Variants in MICU2 observed in about 807,000 individuals in gnomAD.
MICU2 encodes the protein calcium uptake protein 2, mitochondrial.
In MICU2, 64 loss-of-function variants were observed where a neutral mutation model predicts 60.4. The ratio of observed to expected loss-of-function variants is 1.06; its 90% CI spans 0.87 to 1.31. MICU2 has a LOEUF of 1.31. MICU2 is among the 50% of genes most tolerant of loss of function. The pLI is 0.00. For synonymous variants in MICU2, 201 were observed against 175.0 expected (o/e 1.15, Z -1.17); for missense variants, 569 against 531.0 (o/e 1.07, Z -0.70).
intron 8 of MICU2, among the ~76,000 whole-genome samples, chr13:21,506,827 T>G (rs1189209473): frequency 6.6e-6 from 1 of 152,210 alleles, no homozygotes; most frequent in Non-Finnish European, 1.5e-5. Flanking sequence ...CACTCCTGTA[T>G]TTTCAGCCTT....
intron 4 of MICU2, among the ~76,000 whole-genome samples, chr13:21,536,886 C>CG (rs1887142878): frequency 1.3e-5 from 2 of 152,166 alleles, no homozygotes; most frequent in Admixed American, 6.5e-5. Flanking sequence ...ATTAACTATG[C>CG]CAACTTCTAT....
At chr13:21,585,869 T>C (rs144933235) in intron 1 of MICU2, among the ~76,000 whole-genome samples, 1 of 152,342 alleles carries the variant, frequency 6.6e-6, no homozygotes, top group African/African-American at 2.4e-5. Flanking sequence ...GTTCAAAATA[T>C]GAATTTAAAT....
At chr13:21,558,187 C>T (rs1221066964) in intron 2 of MICU2, among the ~76,000 whole-genome samples, 4 of 152,124 alleles carry the variant, frequency 2.6e-5, no homozygotes, top group African/African-American at 2.4e-5. Context: ...AGACTATCGC[C>T]CCCCAGTGTT....
At chr13:21,603,046 G>A (rs543361930) in intron 1 of MICU2, among the ~76,000 whole-genome samples, 4 of 149,692 alleles carry the variant, frequency 2.7e-5, no homozygotes, top group Admixed American at 1.3e-4. Context: ...TTGGCTCACT[G>A]CAACCTCCGC....
rs1465695585 is a variant in MICU2, at chr13:21,496,297, C to A, written c.934-137G>T. On this transcript the variant is annotated intron_variant, in intron 9 of 11. Transcript: ENST00000382374. The stretch of plus-strand genomic sequence containing the variant: ...AGAGACAACAGAGCTTTCTCTGTCC[C>A]TTTCTCTCTGTGTGCACACAGAAAT... 10 of 655,016 alleles carry A rather than the reference C, an allele frequency of 1.5e-5. No individual in the cohort carries two copies. The African/African-American group carries it at 1.8e-4, about 12-fold the overall frequency. The allele number at this position is 655,016 out of a possible 1,614,324, so 40.6% of individuals were successfully genotyped here.
chr13:21,517,790 C>T (rs994825516), intron 6 of MICU2, among the ~76,000 whole-genome samples: 1 of 98,706 alleles, frequency 1.0e-5, no homozygotes, highest in Non-Finnish European at 2.3e-5. Flanking sequence ...CACACACACA[C>T]ACACACACAC....
chr13:21,512,330 C>A (rs1317132810), intron 7 of MICU2, among the ~76,000 whole-genome samples: 1 of 151,822 alleles, frequency 6.6e-6, no homozygotes, highest in African/African-American at 2.4e-5. Flanking sequence ...AAGAAGAGTT[C>A]TTTATATATA....
chr13:21,590,898 A>T (rs536605217), intron 1 of MICU2, among the ~76,000 whole-genome samples: 7 of 152,292 alleles, frequency 4.6e-5, no homozygotes, highest in Admixed American at 2.0e-4. Context: ...TAAATATGGA[A>T]AAGAAGAACT....
chr13:21,555,491 C>T (rs1422344465), intron 2 of MICU2, among the ~76,000 whole-genome samples: 1 of 152,160 alleles, frequency 6.6e-6, no homozygotes, highest in Non-Finnish European at 1.5e-5. Context: ...TAAAAACTCT[C>T]AATAAATTAG....
chr13:21,531,673 T>G (rs1015614890), intron 4 of MICU2, among the ~76,000 whole-genome samples: 4 of 152,212 alleles, frequency 2.6e-5, no homozygotes, highest in Non-Finnish European at 4.4e-5. Flanking sequence ...GTCATTTGTA[T>G]GTAATGGATA....
At chr13:21,525,523 C>T (rs1004412604) in intron 4 of MICU2, among the ~76,000 whole-genome samples, 12 of 151,858 alleles carry the variant, frequency 7.9e-5, no homozygotes, top group African/African-American at 2.7e-4. Context: ...AATCGCCCTA[C>T]CTTTTCCACA....
chr13:21,549,715 GTCTCTCTAAACGCCTTATT>G (rs1566156751), intron 2 of MICU2, among the ~76,000 whole-genome samples: 1 of 152,202 alleles, frequency 6.6e-6, no homozygotes, highest in African/African-American at 2.4e-5. Flanking sequence ...TTCCTGTGGT[GTCTCTCTAAACGCCTTATT>G]TCTCTCTTCC....
Position 21,566,859 on chromosome 13 carries a change from T to C in MICU2, c.296A>G (p.Glu99Gly). 6.2e-7 allele frequency: 1 copy of C among 1,613,176 alleles called. No individual in the cohort carries two copies. The highest frequency in any genetic ancestry group is 8.5e-7 in the Non-Finnish European group (1 of 1,179,650). Residue 99 changes from glutamate (E) to glycine (G), a missense_variant, in exon 2 of 12, where the codon GAA becomes GGA. Transcript: ENST00000382374. Reference sequence around the variant, plus strand: ...TCGTGGTGTCATATAATATTCTCCTTCATGTTCGAGTGAAGAAAACTGCAT... The same window carrying C: ...TCGTGGTGTCATATAATATTCTCCTCCATGTTCGAGTGAAGAAAACTGCAT... Reference protein sequence around the residue: ...RFMQFSSLEHEGEYYMTPRDF... With the variant: ...RFMQFSSLEHGGEYYMTPRDF...
intron 1 of MICU2, among the ~76,000 whole-genome samples, chr13:21,567,878 C>T (rs1566163903): frequency 6.6e-6 from 1 of 152,186 alleles, no homozygotes; most frequent in African/African-American, 2.4e-5. Flanking sequence ...GGGTTTTAAT[C>T]TCTTAACTAC....
intron 7 of MICU2, among the ~76,000 whole-genome samples, chr13:21,511,302 C>T (rs1886422514): frequency 6.6e-6 from 1 of 152,036 alleles, no homozygotes; most frequent in African/African-American, 2.4e-5. Context: ...TCTACCAGAG[C>T]AGAGAGGGTC....
intron 4 of MICU2, among the ~76,000 whole-genome samples, chr13:21,524,677 T>C (rs1886804174): frequency 6.6e-6 from 1 of 152,208 alleles, no homozygotes; most frequent in African/African-American, 2.4e-5. Flanking sequence ...TTTGGTAGCA[T>C]TAAGTACATT....
At chr13:21,598,514 G>C (rs930520464) in intron 1 of MICU2, among the ~76,000 whole-genome samples, 12 of 152,048 alleles carry the variant, frequency 7.9e-5, no homozygotes, top group African/African-American at 1.9e-4. Flanking sequence ...TCAAGAGTTC[G>C]AGACCAGCCT....
In MICU2 at chr13:21,566,783, A is replaced by AC; in HGVS notation, c.358+13_358+14insG. Reference sequence around the variant, plus strand: ...CTGATTTTTTTAATTAAAAAAAAAAAAGACCCAACTCACGTTCCATTTGCT... The same window carrying AC: ...CTGATTTTTTTAATTAAAAAAAAAAACAGACCCAACTCACGTTCCATTTGCT... On this transcript the variant is annotated intron_variant, in intron 2 of 11. Transcript: ENST00000382374. 6.6e-6 allele frequency: 10 copies of AC among 1,525,190 alleles called. No individual in the cohort carries two copies. Among genetic ancestry groups the AC allele is most frequent in the Non-Finnish European group, 8.8e-6 (10 of 1,142,634 alleles). The allele number at this position is 1,525,190 out of a possible 1,614,324, so 94.5% of individuals were successfully genotyped here.
At chr13:21,568,968 T>G (rs1888045891) in intron 1 of MICU2, among the ~76,000 whole-genome samples, 1 of 152,126 alleles carries the variant, frequency 6.6e-6, no homozygotes, top group Non-Finnish European at 1.5e-5. Context: ...CTTCAGTCAG[T>G]TATTCAGGGA....
Sources: gnomAD v4.1 joint callset for allele counts (sites outside exome capture counted in the v4.1 genomes callset) on GRCh38, gnomAD v4.1.1 for gene constraint, MANE v1.5 for transcripts, NCBI Gene and HGNC (gene_info 2026-07-23, HGNC 2026-07-21) for gene names.